IMPG2: variants seen among roughly 807,000 people sequenced by gnomAD.
IMPG2 encodes the protein interphotoreceptor matrix proteoglycan 2, also known as IPM 200.
IMPG2 carries 91 observed loss-of-function variants against 129.2 expected under a neutral mutation model. That is an observed-to-expected ratio of 0.70 (90% CI 0.59 to 0.84). IMPG2 has a LOEUF of 0.84. IMPG2 is among the 40% of genes least tolerant of loss of function. IMPG2 has a pLI of 0.00. For missense variants in IMPG2, 1,430 were observed against 1,461.7 expected, an observed-to-expected ratio of 0.98 and a Z score of 0.35; for synonymous variants, 510 against 517.7, an observed-to-expected ratio of 0.99 and a Z score of 0.20.
intron 3 of IMPG2, among the ~76,000 whole-genome samples, chr3:101,295,876 G>T (rs1707074476): frequency 6.6e-6 from 1 of 152,218 alleles, no homozygotes; most frequent in East Asian, 1.9e-4. Flanking sequence ...TCTATAATTG[G>T]TGTATAGGAA....
chr3:101,272,899 G>T (rs1042172236), intron 7 of IMPG2, among the ~76,000 whole-genome samples: 1 of 152,222 alleles, frequency 6.6e-6, no homozygotes, highest in Admixed American at 6.5e-5. Context: ...TCATCTGACA[G>T]ACAGGGGTAG....
At position 101,267,477 on chromosome 3, in the gene IMPG2, T is replaced by G. The variant is rs116715579; in HGVS notation, c.908+34A>C. 2,887 of 1,592,886 alleles carry G rather than the reference T, an allele frequency of 1.8e-3. 51 individuals carry two copies. In the African/African-American group the frequency reaches 0.035, roughly 19 times the overall value. ...CTATATTTACTAAACTGTCTCCCAA[T>G]TCAATGGACATTAGAGAAAGTGCCA... On this transcript the variant is annotated intron_variant, in intron 9 of 18. Transcript: ENST00000193391.
At chr3:101,245,685 C>T (rs1263251672) in intron 12 of IMPG2, 117 bp downstream of exon 12, 7 of 943,728 alleles carry the variant, frequency 7.4e-6, no homozygotes, top group Non-Finnish European at 1.2e-5. Context: ...TTTACCAAGA[C>T]ATTTTCCCCC....
intron 9 of IMPG2, among the ~76,000 whole-genome samples, chr3:101,263,874 G>C (rs900940223): frequency 4.4e-5 from 6 of 136,650 alleles, no homozygotes; most frequent in African/African-American, 1.6e-4. Flanking sequence ...AAAAAAAAAA[G>C]AGAGGACCCA....
rs1706733060 is a variant in IMPG2 at position 101,267,502 on chromosome 3, A to G, written c.908+9T>C. Reference sequence around the variant, plus strand: ...TTCAATGGACATTAGAGAAAGTGCCAAAAAGTACCTGTCATTTTCCTTGGG... The same window carrying G: ...TTCAATGGACATTAGAGAAAGTGCCGAAAAGTACCTGTCATTTTCCTTGGG... On this transcript the variant is annotated intron_variant, in intron 9 of 18. Transcript: ENST00000193391. The G allele has an allele frequency of 6.2e-7, 1 of 1,610,520 alleles. No homozygotes were observed. The highest frequency in any genetic ancestry group is 1.3e-5 in the African/African-American group (1 of 74,852).
rs1706182407 is a variant in IMPG2 at position 101,223,037 on chromosome 3, T to C, written c.*3932A>G. On this transcript the variant is annotated 3_prime_UTR_variant, in exon 19 of 19. Coordinates refer to ENST00000193391, the MANE Select transcript of IMPG2 (RefSeq NM_016247.4). Reference sequence around the variant, plus strand: ...ATCCTGAGGGGAGTGGTTTAACCTGTCTCTTATTAACTCATAGCAGTAATG... The same window carrying C: ...ATCCTGAGGGGAGTGGTTTAACCTGCCTCTTATTAACTCATAGCAGTAATG... The C allele has an allele frequency of 6.6e-6, 1 of 152,210 alleles. No individual in the cohort carries two copies. Among genetic ancestry groups the C allele is most frequent in the Non-Finnish European group, 1.5e-5 (1 of 68,036 alleles). The allele number at this position is 152,210 out of a possible 1,614,324, so 9.4% of individuals were successfully genotyped here. A position where few individuals can be genotyped will look rare whatever the true frequency, so the allele number is the denominator to read the frequency against.
At chr3:101,236,808 GTTTGTT>G (rs558935559) in intron 14 of IMPG2, among the ~76,000 whole-genome samples, 2 of 152,152 alleles carry the variant, frequency 1.3e-5, no homozygotes, top group Non-Finnish European at 2.9e-5. Context: ...GCAGGAGTTG[GTTTGTT>G]TTTGTTTTTG....
chr3:101,309,350 T>C (rs1050465680), intron 2 of IMPG2, among the ~76,000 whole-genome samples: 2 of 152,132 alleles, frequency 1.3e-5, no homozygotes, highest in African/African-American at 2.4e-5. Flanking sequence ...GAAGAGTTTA[T>C]AAAGGAAAGA....
chr3:101,245,775 G>T, intron 12 of IMPG2, 27 bp downstream of exon 12: 1 of 1,599,676 alleles, frequency 6.3e-7, no homozygotes, highest in Non-Finnish European at 8.6e-7. Flanking sequence ...ACAATAAGAA[G>T]TACGAAAAGC....
In IMPG2 at chr3:101,253,778, C is replaced by T. The variant is rs1249509598; in HGVS notation, c.1157G>A (p.Arg386Lys). 2 of 1,607,008 alleles carry T rather than the reference C, an allele frequency of 1.2e-6. No homozygotes were observed. Among genetic ancestry groups the T allele is most frequent in the Admixed American group, 3.4e-5 (2 of 59,500 alleles). ...TTCAGTTTGGTGACGCAAAACTCCTCTCACTGAGGAAAGAACAATATTAAA... is the reference window on the plus strand; with the variant it reads ...TTCAGTTTGGTGACGCAAAACTCCTTTCACTGAGGAAAGAACAATATTAAA... ...DPDSLQLINVRGVLRHQTEDL... is the reference protein window; with the variant it reads ...DPDSLQLINVKGVLRHQTEDL... The change falls in exon 11 of 19, where the codon AGA (arginine) becomes AAA (lysine). Residue 386 changes from arginine (R) to lysine (K), a missense_variant. By Grantham distance (26) the Arg-to-Lys change is conservative. Coordinates refer to ENST00000193391, the MANE Select transcript of IMPG2 (RefSeq NM_016247.4).
intron 15 of IMPG2, among the ~76,000 whole-genome samples, chr3:101,232,234 A>G (rs953728764): frequency 2.2e-5 from 3 of 134,672 alleles, no homozygotes; most frequent in Admixed American, 7.4e-5. Context: ...TTTTTTTTTT[A>G]TTTATTTTTT....
chr3:101,273,439 T>G (rs1336764528), intron 7 of IMPG2, 142 bp downstream of exon 7: 9 of 799,146 alleles, frequency 1.1e-5, no homozygotes, highest in Non-Finnish European at 1.6e-5. Context: ...CAGAGTTTTC[T>G]GAAGAAATGG....
chr3:101,292,431 T>C (rs1324397937), intron 3 of IMPG2, among the ~76,000 whole-genome samples: 1 of 152,228 alleles, frequency 6.6e-6, no homozygotes, highest in Admixed American at 6.5e-5. Context: ...CTGTAGTCTA[T>C]TAAAAGTGCA....
At chr3:101,240,908 G>T (rs1576746720) in intron 14 of IMPG2, among the ~76,000 whole-genome samples, 1 of 152,206 alleles carries the variant, frequency 6.6e-6, no homozygotes, top group African/African-American at 2.4e-5. Context: ...ACAAAGCCAG[G>T]CATTCCTTCT....
intron 4 of IMPG2, among the ~76,000 whole-genome samples, chr3:101,287,850 GC>G (rs1261575284): frequency 6.6e-6 from 1 of 152,000 alleles, no homozygotes; most frequent in East Asian, 1.9e-4. Context: ...TTATGGCCAA[GC>G]CCCCAAAAGC....
intron 14 of IMPG2, among the ~76,000 whole-genome samples, chr3:101,237,285 C>T (rs200342915): frequency 9.2e-4 from 140 of 152,254 alleles, no homozygotes; most frequent in Admixed American, 1.9e-3. Flanking sequence ...CAGCTGTAGG[C>T]GCAGTTTCAG....
intron 3 of IMPG2, among the ~76,000 whole-genome samples, chr3:101,296,073 C>T (rs1435101669): frequency 1.3e-5 from 2 of 152,182 alleles, no homozygotes; most frequent in African/African-American, 4.8e-5. Flanking sequence ...TGCCTGATTG[C>T]CCTGGCCAGA....
At chr3:101,278,534 T>C (rs1706861518) in intron 4 of IMPG2, among the ~76,000 whole-genome samples, 1 of 152,160 alleles carries the variant, frequency 6.6e-6, no homozygotes, top group African/African-American at 2.4e-5. Context: ...TTTAATATTA[T>C]AACAAACATA....
intron 9 of IMPG2, among the ~76,000 whole-genome samples, chr3:101,264,338 A>G (rs1251505600): frequency 2.0e-5 from 3 of 152,130 alleles, no homozygotes; most frequent in African/African-American, 7.2e-5. Context: ...TAGCCCCTCA[A>G]AAAGATAATA....
Sources: allele counts gnomAD v4.1 joint callset (sites outside exome capture counted in the v4.1 genomes callset), GRCh38; gene constraint gnomAD v4.1.1; transcripts MANE v1.5; gene names NCBI Gene and HGNC (gene_info 2026-07-23, HGNC 2026-07-21).